ROBO2: variants seen among roughly 807,000 people sequenced by gnomAD.
The protein encoded by ROBO2 is roundabout guidance receptor 2.
In ROBO2, 53 loss-of-function variants were observed where a neutral mutation model predicts 160.8. The ratio of observed to expected loss-of-function variants is 0.33; its 90% CI spans 0.26 to 0.41. The LOEUF (loss-of-function observed/expected upper bound fraction) is 0.41, where lower values mean the gene tolerates loss of function less well. ROBO2 is among the 10% of genes least tolerant of loss of function. The pLI, the probability that ROBO2 is intolerant of heterozygous loss-of-function variation, is 1.00. For synonymous variants in ROBO2, 664 were observed against 611.7 expected (o/e 1.09, Z -1.26); for missense variants, 1,577 against 1,722.4 (o/e 0.92, Z 1.49).
chr3:76,471,523 G>A (rs1314629821), intron 2 of ROBO2, among the ~76,000 whole-genome samples: 1 of 152,106 alleles, frequency 6.6e-6, no homozygotes, highest in African/African-American at 2.4e-5. Context: ...ACTGAAGACT[G>A]TGATTCTTCA....
intron 2 of ROBO2, among the ~76,000 whole-genome samples, chr3:77,360,777 C>T (rs1433053173): frequency 6.6e-6 from 1 of 152,094 alleles, no homozygotes; most frequent in Non-Finnish European, 1.5e-5. Context: ...TGTCTGGGCC[C>T]CATCTCCACA....
intron 2 of ROBO2, among the ~76,000 whole-genome samples, chr3:77,405,126 C>T (rs920250421): frequency 1.3e-5 from 2 of 152,158 alleles, no homozygotes; most frequent in African/African-American, 4.8e-5. Flanking sequence ...ACATCATGAA[C>T]TTCCTATTTC....
intron 2 of ROBO2, among the ~76,000 whole-genome samples, chr3:77,329,711 G>A (rs1376557761): frequency 6.6e-6 from 1 of 152,160 alleles, no homozygotes; most frequent in East Asian, 1.9e-4. Context: ...TAGGAGATGT[G>A]CATTCATCCA....
intron 1 of ROBO2, among the ~76,000 whole-genome samples, chr3:75,913,251 T>C (rs1946673904): frequency 6.6e-6 from 1 of 152,214 alleles, no homozygotes; most frequent in South Asian, 2.1e-4. Context: ...ACTCCTGTGA[T>C]TACTTTGGAC....
chr3:76,677,796 T>C (rs1281423519), intron 2 of ROBO2, among the ~76,000 whole-genome samples: 1 of 152,016 alleles, frequency 6.6e-6, no homozygotes, highest in Admixed American at 6.6e-5. Flanking sequence ...TATAAGTTAC[T>C]ATGAAACATA....
chr3:76,175,043 C>T (rs1207002458), intron 2 of ROBO2, among the ~76,000 whole-genome samples: 1 of 152,018 alleles, frequency 6.6e-6, no homozygotes, highest in Non-Finnish European at 1.5e-5. Context: ...TTTTATTGAG[C>T]AGTGGTTTGT....
intron 2 of ROBO2, among the ~76,000 whole-genome samples, chr3:76,055,512 G>A (rs1319566185): frequency 6.6e-6 from 1 of 151,764 alleles, no homozygotes; most frequent in African/African-American, 2.4e-5. Context: ...CCCCCCTTTT[G>A]GAGTTTTCAG....
At chr3:76,893,278 G>T (rs1160021829) in intron 2 of ROBO2, among the ~76,000 whole-genome samples, 1 of 141,336 alleles carries the variant, frequency 7.1e-6, no homozygotes, top group African/African-American at 2.6e-5. Flanking sequence ...GATAAAACAA[G>T]AAAAAAAAAA....
chr3:76,059,342 C>G (rs2067982018), intron 2 of ROBO2, among the ~76,000 whole-genome samples: 1 of 152,038 alleles, frequency 6.6e-6, no homozygotes, highest in Non-Finnish European at 1.5e-5. Context: ...GATTGCCATT[C>G]TAACTGGTGT....
chr3:76,192,983 T>G (rs915969672), intron 2 of ROBO2, among the ~76,000 whole-genome samples: 4 of 152,172 alleles, frequency 2.6e-5, no homozygotes, highest in Non-Finnish European at 5.9e-5. Context: ...ATATGGTAAA[T>G]AAGTTCAGTT....
intron 6 of ROBO2, among the ~76,000 whole-genome samples, chr3:77,524,586 G>A (rs544569984): frequency 2.6e-5 from 4 of 151,504 alleles, no homozygotes; most frequent in Admixed American, 2.0e-4. Flanking sequence ...TGTAGAAGCA[G>A]CAGGGTTTCT....
At position 76,677,958 on chromosome 3, in the gene ROBO2, C is replaced by CTTTT. The variant is rs1169307424; in HGVS notation, c.110-420030_110-420027dup. Among the ~76,000 whole-genome samples, 29 of 29,394 alleles carry CTTTT rather than the reference C, an allele frequency of 9.9e-4. 5 individuals carry two copies. The highest frequency in any genetic ancestry group is 1.6e-3 in the East Asian group (1 of 624). The allele number at this position is 29,394 out of a possible 152,430, so 19.3% of individuals were successfully genotyped here. ...TTCTCTCACAGAGAAAGAAAATATG[C>CTTTT]TTTTTTTTTTTTTTTTTTTTTTTTT... On this transcript the variant is annotated intron_variant, in intron 2 of 26. Coordinates refer to the ROBO2 transcript ENST00000487694.
At chr3:75,923,172 G>A (rs1210427210) in intron 1 of ROBO2, among the ~76,000 whole-genome samples, 1 of 152,046 alleles carries the variant, frequency 6.6e-6, no homozygotes, top group Non-Finnish European at 1.5e-5. Context: ...AGTTTTTGAT[G>A]CACATTTTTA....
chr3:77,530,286 A>G (rs899638759), intron 6 of ROBO2, among the ~76,000 whole-genome samples: 11 of 152,008 alleles, frequency 7.2e-5, no homozygotes, highest in Non-Finnish European at 1.5e-4. Flanking sequence ...ATTAGCAATC[A>G]TTGCAGATTC....
At chr3:76,172,575 A>T (rs914805129) in intron 2 of ROBO2, among the ~76,000 whole-genome samples, 3 of 152,098 alleles carry the variant, frequency 2.0e-5, no homozygotes, top group African/African-American at 7.2e-5. Flanking sequence ...TAGATTCTCA[A>T]ACTTAATATT....
At chr3:76,091,818 A>G (rs2069248884) in intron 2 of ROBO2, among the ~76,000 whole-genome samples, 1 of 152,208 alleles carries the variant, frequency 6.6e-6, no homozygotes. Context: ...AAATAAGCCA[A>G]TATGAAAAGG....
intron 2 of ROBO2, among the ~76,000 whole-genome samples, chr3:76,203,756 A>G (rs2107271877): frequency 6.9e-6 from 1 of 144,580 alleles, no homozygotes; most frequent in African/African-American, 2.5e-5. Context: ...TCTCACCATG[A>G]GATTCTCAGG....
At chr3:76,202,005 T>C (rs750229765) in intron 2 of ROBO2, among the ~76,000 whole-genome samples, 35 of 151,964 alleles carry the variant, frequency 2.3e-4, no homozygotes, top group Non-Finnish European at 4.4e-4. Flanking sequence ...CCAAGGATAC[T>C]GCAGTGGATG....
intron 6 of ROBO2, among the ~76,000 whole-genome samples, chr3:77,536,509 T>A (rs1266895380): frequency 1.3e-5 from 2 of 152,080 alleles, no homozygotes; most frequent in African/African-American, 4.8e-5. Context: ...GAAGGCCAAC[T>A]GAGTCAAGTT....
Sources: gnomAD v4.1 joint callset for allele counts (sites outside exome capture counted in the v4.1 genomes callset) on GRCh38, gnomAD v4.1.1 for gene constraint, MANE v1.5 for transcripts, NCBI Gene and HGNC (gene_info 2026-07-23, HGNC 2026-07-21) for gene names.